Variants in CFAP44 observed in about 807,000 individuals in gnomAD.
CFAP44 encodes the protein cilia and flagella associated protein 44, also known as cilia- and flagella-associated protein 44.
A neutral mutation model predicts 216.2 loss-of-function variants in CFAP44; 134 were observed. The ratio of observed to expected loss-of-function variants is 0.62; its 90% CI spans 0.54 to 0.72. The LOEUF (loss-of-function observed/expected upper bound fraction) is 0.72, where lower values mean the gene tolerates loss of function less well. Ranked by LOEUF, CFAP44 falls within the 30% of genes least tolerant of loss-of-function variation. The pLI, the probability that CFAP44 is intolerant of heterozygous loss-of-function variation, is 0.00. For synonymous variants in CFAP44, 700 were observed against 727.6 expected, an observed-to-expected ratio of 0.96 and a Z score of 0.61; for missense variants, 2,035 against 2,182.1, an observed-to-expected ratio of 0.93 and a Z score of 1.34.
rs1039810145 is a variant in CFAP44, at chr3:113,288,888, G to A, written c.*2669C>T. The A allele has an allele frequency of 3.9e-5, 6 of 152,220 alleles. No individual in the cohort carries two copies. Among genetic ancestry groups the A allele is most frequent in the African/African-American group, 1.4e-4 (6 of 41,442 alleles). 9.4% of individuals were successfully genotyped at this position (152,220 alleles called of 1,614,324 possible). Reference sequence around the variant, plus strand: ...CTCTGTGGTTTCTTTTTCTTCCAATGCTGAGATTGATCATCGGTGATACTA... The same window carrying A: ...CTCTGTGGTTTCTTTTTCTTCCAATACTGAGATTGATCATCGGTGATACTA... On this transcript the variant is annotated 3_prime_UTR_variant, in exon 35 of 35. Transcript: ENST00000393845.
At chr3:113,398,284 G>A (rs1385206468) in intron 13 of CFAP44, among the ~76,000 whole-genome samples, 1 of 152,098 alleles carries the variant, frequency 6.6e-6, no homozygotes, top group Non-Finnish European at 1.5e-5. Flanking sequence ...GCACTAAGGG[G>A]AAGAAAATCA....
rs761758858 is a variant in CFAP44, at chr3:113,400,578, G to A, written c.1441C>T (p.Leu481Phe). 6.2e-7 allele frequency: 1 copy of A among 1,610,382 alleles called. No individual in the cohort carries two copies. Among genetic ancestry groups the A allele is most frequent in the Non-Finnish European group, 8.5e-7 (1 of 1,178,146 alleles). ...GCAGTTGTGGCCATGAGATAAGTGA[G>A]AGGAGAAACAGCCACGGCTTCAATA... ...GAIEAVAVSPLTYLMATTALD... is the reference protein window; with the variant it reads ...GAIEAVAVSPFTYLMATTALD... The change falls in exon 12 of 35, where the codon CTC (leucine) becomes TTC (phenylalanine). Residue 481 changes from leucine to phenylalanine, a missense_variant. This residue lies in a region of CFAP44 where 1,883 missense variants were observed against 2,023.7 expected (regional missense o/e 0.93). Coordinates refer to ENST00000393845, the MANE Select transcript of CFAP44 (RefSeq NM_001164496.2).
At chr3:113,342,549 G>A (rs1950342895) in intron 23 of CFAP44, among the ~76,000 whole-genome samples, 2 of 152,134 alleles carry the variant, frequency 1.3e-5, no homozygotes, top group Admixed American at 6.5e-5. Flanking sequence ...TTGGGAAAGA[G>A]TGTTTGTGAG....
In CFAP44 at chr3:113,335,797, G is replaced by A. The variant is rs570068471; in HGVS notation, c.3438-2214C>T. Among the ~76,000 whole-genome samples, 8 of 152,284 alleles carry A rather than the reference G, an allele frequency of 5.3e-5. No individual in the cohort carries two copies. In the South Asian group the frequency reaches 1.7e-3, roughly 32 times the overall value. ...ATGCAAGAAAGCATACTCTTTTCAA[G>A]CACATATTGAATTTTTACGTAGATA... On this transcript the variant is annotated intron_variant, in intron 24 of 34. Transcript: ENST00000393845.
At chr3:113,417,695 T>C (rs1291198216) in intron 5 of CFAP44, among the ~76,000 whole-genome samples, 4 of 152,196 alleles carry the variant, frequency 2.6e-5, no homozygotes, top group East Asian at 1.9e-4. Flanking sequence ...CTCCATCTTA[T>C]TGATGAGTAA....
At chr3:113,375,010 A>G (rs547222682) in intron 17 of CFAP44, among the ~76,000 whole-genome samples, 4 of 152,350 alleles carry the variant, frequency 2.6e-5, no homozygotes, top group African/African-American at 9.6e-5. Flanking sequence ...TTTGGCCTTG[A>G]AAGGAAATTC....
intron 28 of CFAP44, among the ~76,000 whole-genome samples, chr3:113,325,452 T>A (rs571041009): frequency 6.6e-6 from 1 of 152,260 alleles, no homozygotes; most frequent in African/African-American, 2.4e-5. Context: ...TTTTATTTTT[T>A]ATTTTTTTTG....
intron 18 of CFAP44, among the ~76,000 whole-genome samples, chr3:113,367,051 G>T (rs181514775): frequency 1.3e-5 from 2 of 151,696 alleles, no homozygotes; most frequent in Non-Finnish European, 2.9e-5. Flanking sequence ...TAAACAAAGC[G>T]GTTGGGAAGC....
rs1285901380 is a variant in CFAP44 at position 113,290,741 on chromosome 3, C to A, written c.*816G>T. ...TATTTCATTATCTCCTCATCTATAT[C>A]AAAACCAGCAAATGGCCCAAGTAAA... is the stretch of plus-strand genomic sequence containing the variant. On this transcript the variant is annotated 3_prime_UTR_variant, in exon 35 of 35. Coordinates refer to ENST00000393845, the MANE Select transcript of CFAP44 (RefSeq NM_001164496.2). The A allele has an allele frequency of 6.6e-6, 1 of 152,194 alleles. No individual in the cohort carries two copies. The highest frequency in any genetic ancestry group is 1.5e-5 in the Non-Finnish European group (1 of 68,044). 9.4% of individuals were successfully genotyped at this position (152,194 alleles called of 1,614,324 possible).
chr3:113,423,424 G>C (rs954488596), intron 4 of CFAP44, among the ~76,000 whole-genome samples: 2 of 152,132 alleles, frequency 1.3e-5, no homozygotes, highest in African/African-American at 2.4e-5. Flanking sequence ...ACAGGCCTGA[G>C]CTGCTGCGCC....
intron 28 of CFAP44, among the ~76,000 whole-genome samples, chr3:113,310,338 T>C (rs1003337075): frequency 1.3e-5 from 2 of 152,218 alleles, no homozygotes; most frequent in South Asian, 2.1e-4. Context: ...CCCCACGATG[T>C]TGATCACAGA....
At chr3:113,337,310 C>T (rs559262891) in intron 24 of CFAP44, among the ~76,000 whole-genome samples, 1 of 151,848 alleles carries the variant, frequency 6.6e-6, no homozygotes, top group Admixed American at 6.6e-5. Flanking sequence ...AATCAAAAAT[C>T]TAAATAAATG....
At chr3:113,299,221 T>C (rs1377409437) in intron 32 of CFAP44, among the ~76,000 whole-genome samples, 1 of 152,024 alleles carries the variant, frequency 6.6e-6, no homozygotes, top group Admixed American at 6.6e-5. Context: ...TATAGAAAAA[T>C]ATCTACTAAT....
intron 8 of CFAP44, among the ~76,000 whole-genome samples, chr3:113,405,920 T>TA (rs1934263255): frequency 6.6e-6 from 1 of 152,202 alleles, no homozygotes; most frequent in South Asian, 2.1e-4. Context: ...CTTCCTCCTA[T>TA]ATACCATGCT....
chr3:113,408,321 G>A (rs1934347001), intron 7 of CFAP44, among the ~76,000 whole-genome samples: 1 of 152,174 alleles, frequency 6.6e-6, no homozygotes, highest in South Asian at 2.1e-4. Context: ...AGAGCATGGA[G>A]TTTGGAGCAA....
chr3:113,438,925 C>T (rs1935295594), intron 1 of CFAP44, among the ~76,000 whole-genome samples: 1 of 152,162 alleles, frequency 6.6e-6, no homozygotes, highest in African/African-American at 2.4e-5. Flanking sequence ...AAGTTAATTC[C>T]CAATGCATCA....
At chr3:113,424,748 T>C (rs893948731) in intron 4 of CFAP44, among the ~76,000 whole-genome samples, 32 of 152,160 alleles carry the variant, frequency 2.1e-4, no homozygotes, top group African/African-American at 7.2e-4. Flanking sequence ...GAAAAGGCTA[T>C]AGTTTATACA....
At chr3:113,300,256 A>G (rs769292840) in intron 32 of CFAP44, among the ~76,000 whole-genome samples, 15 of 152,218 alleles carry the variant, frequency 9.9e-5, no homozygotes, top group Non-Finnish European at 1.8e-4. Flanking sequence ...TAATGGGTAC[A>G]AAAACAGTTA....
At chr3:113,326,156 G>T (rs1287486821) in intron 28 of CFAP44, among the ~76,000 whole-genome samples, 1 of 152,106 alleles carries the variant, frequency 6.6e-6, no homozygotes, top group African/African-American at 2.4e-5. Context: ...TATACATATG[G>T]CAAATAAACA....
Sources: allele counts gnomAD v4.1 joint callset (sites outside exome capture counted in the v4.1 genomes callset), GRCh38; gene constraint gnomAD v4.1.1; regional missense constraint gnomAD v4.1.1; transcripts MANE v1.5; gene names NCBI Gene and HGNC (gene_info 2026-07-23, HGNC 2026-07-21).